CCDC171: variants seen among roughly 807,000 people sequenced by gnomAD.
CCDC171 encodes coiled-coil domain containing 171, also known as coiled-coil domain-containing protein 171.
In CCDC171, 177 loss-of-function variants were observed where a neutral mutation model predicts 168.2. The observed-to-expected ratio is 1.05, with a 90% CI of 0.93 to 1.19. The LOEUF (loss-of-function observed/expected upper bound fraction) is 1.19. CCDC171 is among the 50% of genes most tolerant of loss of function. The pLI is 0.00. For synonymous variants in CCDC171, 687 were observed against 540.8 expected, an observed-to-expected ratio of 1.27 and a Z score of -3.75; for missense variants, 1,991 against 1,539.0, an observed-to-expected ratio of 1.29 and a Z score of -4.91.
rs541129800 is a variant in CCDC171, at chr9:15,668,290, C to G, written c.1076+1967C>G. On this transcript the variant is annotated intron_variant, in intron 9 of 25. Transcript: ENST00000380701. The stretch of plus-strand genomic sequence containing the variant: ...GACTGGAGGAATTTTAACCTACTTG[C>G]TAACACTTAAGCTCTGAGTCTAACC... 2.0e-5 allele frequency among the ~76,000 whole-genome samples: 3 copies of G among 152,254 alleles called. No individual in the cohort carries two copies. The South Asian group carries it at 6.2e-4, about 32-fold the overall frequency.
chr9:16,052,670 G>T (rs900542584), intron 1 of CCDC171, among the ~76,000 whole-genome samples: 1 of 152,126 alleles, frequency 6.6e-6, no homozygotes, highest in Non-Finnish European at 1.5e-5. Flanking sequence ...GGGGCCTTTT[G>T]TAGAGTCCGC....
At chr9:15,555,529 T>TA in intron 1 of CCDC171, among the ~76,000 whole-genome samples, 1 of 152,282 alleles carries the variant, frequency 6.6e-6, no homozygotes, top group Admixed American at 6.5e-5. Context: ...AGTGAGGTCT[T>TA]ACATGCTTCC....
chr9:15,702,097 G>A (rs2051797140), intron 11 of CCDC171, among the ~76,000 whole-genome samples: 1 of 152,128 alleles, frequency 6.6e-6, no homozygotes, highest in East Asian at 1.9e-4. Flanking sequence ...AGAGCTCTTG[G>A]GTGACCAAGT....
At chr9:15,678,692 A>C (rs2049817409) in intron 9 of CCDC171, 66 bp from the exon 10 acceptor site, 1 of 1,338,250 alleles carries the variant, frequency 7.5e-7, no homozygotes, top group Non-Finnish European at 1.0e-6. Flanking sequence ...ATATGTATTA[A>C]AGGTGTGTAA....
intron 18 of CCDC171, among the ~76,000 whole-genome samples, chr9:15,774,834 C>T (rs1388375297): frequency 6.6e-6 from 1 of 152,154 alleles, no homozygotes; most frequent in African/African-American, 2.4e-5. Context: ...GACCATTATT[C>T]TAAGTGAAGT....
At chr9:15,659,504 G>C (rs539654170) in intron 8 of CCDC171, among the ~76,000 whole-genome samples, 4 of 152,256 alleles carry the variant, frequency 2.6e-5, no homozygotes, top group South Asian at 4.2e-4. Context: ...AAGGTAGAAA[G>C]TATCTTTATG....
At chr9:15,746,133 T>C (rs1000465712) in intron 18 of CCDC171, among the ~76,000 whole-genome samples, 1 of 152,222 alleles carries the variant, frequency 6.6e-6, no homozygotes, top group Non-Finnish European at 1.5e-5. Context: ...ATCAGCAATT[T>C]ACAAAAGTTT....
chr9:15,623,475 G>GCGCGCACGCACACACA, intron 7 of CCDC171, 62 bp downstream of exon 7: 2 of 293,710 alleles, frequency 6.8e-6, no homozygotes, highest in Non-Finnish European at 1.3e-5. Context: ...GCGCGCGCGC[G>GCGCGCACGCACACACA]CACACACACA....
At chr9:16,106,470 C>T in the CCDC171 span, among the ~76,000 whole-genome samples, 46 of 152,142 alleles carry the variant, frequency 3.0e-4, no homozygotes, top group South Asian at 2.1e-4. Context: ...AGTGCAATTC[C>T]GGAGCTAAAG....
At chr9:15,883,029 TCC>T (rs1360129753) in intron 24 of CCDC171, 1 of 156,584 alleles carries the variant, frequency 6.4e-6, no homozygotes, top group Non-Finnish European at 1.2e-5. Context: ...TCCCCTCCCC[TCC>T]CCTTCCTTTT....
At position 15,579,359 on chromosome 9, in the gene CCDC171, A is replaced by G. The variant is rs140627284; in HGVS notation, c.352+336A>G. On this transcript the variant is annotated intron_variant, in intron 4 of 25. Transcript: ENST00000380701. ...CTTAAACATATACTCCAGGCTCCCC[A>G]TCACATATAATATGAATCCAAATCT... Among the ~76,000 whole-genome samples, 847 of 152,346 alleles carry G rather than the reference A, an allele frequency of 5.6e-3. 12 individuals carry two copies. The highest frequency in any genetic ancestry group is 0.02 in the African/African-American group (818 of 41,574).
intron 18 of CCDC171, among the ~76,000 whole-genome samples, chr9:15,750,050 T>TC (rs1564341892): frequency 6.7e-6 from 1 of 149,356 alleles, no homozygotes; most frequent in Non-Finnish European, 1.5e-5. Context: ...TTTTTTTTTT[T>TC]AAAAGATCAA....
At chr9:15,901,616 A>G (rs906013980) in intron 24 of CCDC171, among the ~76,000 whole-genome samples, 1 of 152,196 alleles carries the variant, frequency 6.6e-6, no homozygotes, top group Non-Finnish European at 1.5e-5. Flanking sequence ...GCCATTAATT[A>G]TACAAGATAA....
chr9:15,875,950 C>G (rs545099190), intron 24 of CCDC171: 1 of 152,122 alleles, frequency 6.6e-6, no homozygotes, highest in East Asian at 1.9e-4. Context: ...ATGAATTCAT[C>G]ATTACTATGA....
intron 23 of CCDC171, among the ~76,000 whole-genome samples, chr9:15,860,776 A>G (rs1418561528): frequency 4.0e-5 from 6 of 151,834 alleles, no homozygotes; most frequent in Non-Finnish European, 8.8e-5. Context: ...CATTTGGTCT[A>G]TAGTGTTGTT....
intron 24 of CCDC171, among the ~76,000 whole-genome samples, chr9:15,919,435 T>C (rs1825001204): frequency 1.3e-5 from 2 of 151,648 alleles, no homozygotes; most frequent in African/African-American, 4.8e-5. Flanking sequence ...TTATACTAAG[T>C]TGTGGCTGTT....
intron 21 of CCDC171, among the ~76,000 whole-genome samples, chr9:15,831,130 C>A (rs1236787546): frequency 2.0e-5 from 3 of 151,820 alleles, no homozygotes; most frequent in Non-Finnish European, 4.4e-5. Context: ...CCACCATGCC[C>A]GGCTAATTTT....
intron 21 of CCDC171, among the ~76,000 whole-genome samples, chr9:15,835,734 G>A (rs117180920): frequency 7.9e-5 from 12 of 152,138 alleles, no homozygotes; most frequent in Non-Finnish European, 4.4e-5. Context: ...GCTGTCAGTT[G>A]CATTTTTAAT....
intron 9 of CCDC171, among the ~76,000 whole-genome samples, chr9:15,668,715 G>A (rs942797977): frequency 2.0e-5 from 3 of 152,060 alleles, no homozygotes; most frequent in Admixed American, 6.5e-5. Context: ...GGAATGATGT[G>A]ACTTGAGGGA....
Sources: gnomAD v4.1 joint callset for allele counts (sites outside exome capture counted in the v4.1 genomes callset) on GRCh38, gnomAD v4.1.1 for gene constraint, MANE v1.5 for transcripts, NCBI Gene and HGNC (gene_info 2026-07-23, HGNC 2026-07-21) for gene names.